Variants in NCOA2 observed in about 807,000 individuals in gnomAD.
The protein encoded by NCOA2 is nuclear receptor coactivator 2.
NCOA2 carries 21 observed loss-of-function variants against 145.1 expected under a neutral mutation model. The ratio of observed to expected loss-of-function variants is 0.14; its 90% CI spans 0.10 to 0.21. The LOEUF (loss-of-function observed/expected upper bound fraction) is 0.21, where lower values mean the gene tolerates loss of function less well. Ranked by LOEUF, NCOA2 falls within the 10% of genes least tolerant of loss-of-function variation. The pLI, the probability that NCOA2 is intolerant of heterozygous loss-of-function variation, is 1.00. For missense variants in NCOA2, 1,472 were observed against 1,837.6 expected, an observed-to-expected ratio of 0.80 and a Z score of 3.64; for synonymous variants, 619 against 637.5, an observed-to-expected ratio of 0.97 and a Z score of 0.44.
intron 1 of NCOA2, among the ~76,000 whole-genome samples, chr8:70,297,645 T>C (rs140598979): frequency 1.3e-5 from 2 of 152,310 alleles, no homozygotes; most frequent in East Asian, 3.9e-4. Context: ...GGACAGCCTT[T>C]ATGGCAGTAA....
chr8:70,428,581 G>A, the NCOA2 span, among the ~76,000 whole-genome samples: 11 of 152,218 alleles, frequency 7.2e-5, no homozygotes, highest in East Asian at 3.9e-4. Flanking sequence ...CTGGGATTGC[G>A]CCACTGCACT....
At chr8:70,417,560 C>T in the NCOA2 span, among the ~76,000 whole-genome samples, 1 of 151,228 alleles carries the variant, frequency 6.6e-6, no homozygotes, top group Non-Finnish European at 1.5e-5. Flanking sequence ...AAAAAACAAA[C>T]AAACAAACAA....
At chr8:70,417,551 A>C in the NCOA2 span, among the ~76,000 whole-genome samples, 5 of 143,468 alleles carry the variant, frequency 3.5e-5, no homozygotes, top group African/African-American at 1.5e-4. Context: ...CTCTGTCTCA[A>C]AAAACAAACA....
chr8:70,121,621 T>A (rs1187457187), intron 21 of NCOA2, among the ~76,000 whole-genome samples: 3 of 152,240 alleles, frequency 2.0e-5, no homozygotes, highest in Admixed American at 2.0e-4. Context: ...AATTAACCTT[T>A]ATCTGCATGC....
At chr8:70,117,151 C>G (rs1253665990) in intron 22 of NCOA2, among the ~76,000 whole-genome samples, 1 of 152,244 alleles carries the variant, frequency 6.6e-6, no homozygotes, top group Non-Finnish European at 1.5e-5. Context: ...AAGGTGAACC[C>G]CTGGTCCTGC....
At chr8:70,434,595 G>T in the NCOA2 span, among the ~76,000 whole-genome samples, 1 of 152,012 alleles carries the variant, frequency 6.6e-6, no homozygotes, top group Non-Finnish European at 1.5e-5. Flanking sequence ...TGGAAACAGG[G>T]TCTTGCTCTG....
intron 7 of NCOA2, among the ~76,000 whole-genome samples, chr8:70,165,698 T>C (rs1450141218): frequency 6.6e-6 from 1 of 152,208 alleles, no homozygotes; most frequent in Non-Finnish European, 1.5e-5. Flanking sequence ...CACTCCTGTC[T>C]CTATCCTCTC....
chr8:70,360,742 A>T (rs1810123379), intron 1 of NCOA2, among the ~76,000 whole-genome samples: 1 of 152,060 alleles, frequency 6.6e-6, no homozygotes, highest in African/African-American at 2.4e-5. Context: ...GTTAGAGACC[A>T]GCCTGGCCAA....
intron 2 of NCOA2, among the ~76,000 whole-genome samples, chr8:70,255,987 G>A (rs983622130): frequency 3.3e-5 from 5 of 152,212 alleles, no homozygotes; most frequent in African/African-American, 1.2e-4. Context: ...TTTTGGATGT[G>A]AATAAAGATT....
chr8:70,295,143 A>G (rs1053807360), intron 2 of NCOA2, among the ~76,000 whole-genome samples: 4 of 152,214 alleles, frequency 2.6e-5, no homozygotes, highest in Admixed American at 1.3e-4. Context: ...TCATGGACAC[A>G]AGGAAAGGAA....
intron 2 of NCOA2, among the ~76,000 whole-genome samples, chr8:70,220,535 G>A (rs1031882647): frequency 6.6e-6 from 1 of 152,206 alleles, no homozygotes; most frequent in Non-Finnish European, 1.5e-5. Context: ...AGACGGTAGG[G>A]AAGAGTTATA....
chr8:70,403,603 A>T, intron 1 of NCOA2, 97 bp downstream of exon 1: 2 of 321,596 alleles, frequency 6.2e-6, no homozygotes, highest in East Asian at 4.7e-5. Context: ...AGCTCGGCGC[A>T]GGAAGGGCAG....
chr8:70,229,043 C>A (rs1293870140), intron 2 of NCOA2, among the ~76,000 whole-genome samples: 4 of 152,224 alleles, frequency 2.6e-5, no homozygotes, highest in South Asian at 2.1e-4. Context: ...ATATTTAGGG[C>A]AAAAATATAT....
At chr8:70,305,172 C>T (rs1004035082) in intron 1 of NCOA2, among the ~76,000 whole-genome samples, 2 of 151,474 alleles carry the variant, frequency 1.3e-5, no homozygotes, top group African/African-American at 2.4e-5. Context: ...CAGGCGTGAC[C>T]CACCACCCCA....
intron 13 of NCOA2, among the ~76,000 whole-genome samples, chr8:70,142,087 C>T (rs900626153): frequency 3.9e-5 from 6 of 152,180 alleles, no homozygotes; most frequent in African/African-American, 7.2e-5. Context: ...CACATAAGAG[C>T]GTAACGCTGC....
chr8:70,127,288 C>G (rs1000319464), intron 18 of NCOA2, among the ~76,000 whole-genome samples: 1 of 152,094 alleles, frequency 6.6e-6, no homozygotes, highest in Non-Finnish European at 1.5e-5. Context: ...AAGTTTGATG[C>G]TAATATCAAT....
chr8:70,187,726 A>G (rs919695167), intron 4 of NCOA2, among the ~76,000 whole-genome samples: 3 of 152,222 alleles, frequency 2.0e-5, no homozygotes, highest in Non-Finnish European at 2.9e-5. Context: ...AACTGGTTTA[A>G]ATTACCTTAA....
intron 2 of NCOA2, 78 bp from the exon 3 acceptor site, chr8:70,216,842 T>A (rs141783352): frequency 1.1e-6 from 1 of 918,706 alleles, no homozygotes; most frequent in African/African-American, 1.7e-5. Context: ...TTACCAACAA[T>A]AAAAGAATTT....
In NCOA2 at chr8:70,303,829, T is replaced by C. The variant is rs1827677839; in HGVS notation, c.-76-7029A>G. 2.0e-5 allele frequency among the ~76,000 whole-genome samples: 3 copies of C among 152,240 alleles called. No individual in the cohort carries two copies. The South Asian group carries it at 6.2e-4, about 32-fold the overall frequency. ...ATAAGTTATTGGGCAGAAATTAATC[T>C]TTCTTAAACAGAGGTAAAAGGCTCA... On this transcript the variant is annotated intron_variant, in intron 1 of 22. Transcript: ENST00000452400.
Sources: gnomAD v4.1 joint callset for allele counts (sites outside exome capture counted in the v4.1 genomes callset) on GRCh38, gnomAD v4.1.1 for gene constraint, MANE v1.5 for transcripts, NCBI Gene and HGNC (gene_info 2026-07-23, HGNC 2026-07-21) for gene names.